The following PDF variants were observed in gnomAD, a reference collection of about 807,000 sequenced individuals.
PDF encodes the protein peptide deformylase, mitochondrial.
In PDF, 31 loss-of-function variants were observed where a neutral mutation model predicts 20.3. That is an observed-to-expected ratio of 1.52 (90% CI 1.15 to 2.06). The LOEUF is 2.06. PDF is among the 30% of genes most tolerant of loss of function. The pLI, the probability that PDF is intolerant of heterozygous loss-of-function variation, is 0.00. For synonymous variants in PDF, 254 were observed against 172.0 expected (o/e 1.48, Z -3.73); for missense variants, 447 against 362.5 (o/e 1.23, Z -1.89).
rs779921446 is a variant in PDF at position 69,330,032 on chromosome 16, G to A, written c.539C>T (p.Ala180Val). 1.3e-6 allele frequency: 2 copies of A among 1,545,224 alleles called. No homozygotes were observed. The highest frequency in any genetic ancestry group is 8.7e-7 in the Non-Finnish European group (1 of 1,145,650). The stretch of plus-strand genomic sequence containing the variant: ...CACCGCCTGGAAGCGGGGCACGCAG[G>A]CCAGGAAGCCGGCGACGCTCTCGCA... ...EGCESVAGFL[A>V]CVPRFQAVQI... The change falls in exon 1 of 2, where the codon GCC becomes GTC. Residue 180 changes from alanine (A) to valine (V), a missense_variant. By Grantham distance (64) the Ala-to-Val change is moderately conservative. Coordinates refer to ENST00000288022, the MANE Select transcript of PDF (RefSeq NM_022341.2).
In PDF at chr16:69,326,925, T is replaced by G. The variant is rs1039512153; in HGVS notation, c.*2097A>C. 6.6e-6 allele frequency: 1 copy of G among 152,166 alleles called. No homozygotes were observed. Among genetic ancestry groups the G allele is most frequent in the African/African-American group, 2.4e-5 (1 of 41,432 alleles). 9.4% of individuals were successfully genotyped at this position (152,166 alleles called of 1,614,324 possible). On this transcript the variant is annotated 3_prime_UTR_variant, in exon 2 of 2. Transcript: ENST00000288022. ...ATTTTACTGGAAATGCAATAAAGTT[T>G]GCATTTTATTGCTACCGATGCCCAC...
rs1416189450 is a variant in PDF, at chr16:69,329,873, CGCATCCCACTTCGCTCCT to C, written c.574+106_574+123del. 4.9e-6 allele frequency: 6 copies of C among 1,236,550 alleles called. No homozygotes were observed. In the African/African-American group the frequency reaches 9.6e-5, roughly 20 times the overall value. The allele number at this position is 1,236,550 out of a possible 1,614,324, so 76.6% of individuals were successfully genotyped here. A position where few individuals can be genotyped will look rare whatever the true frequency, so the allele number is the denominator to read the frequency against. ...ATCCGTCCTGAGGCCTCTCCGCTCC[CGCATCCCACTTCGCTCCT>C]GCGGGAGGTCCGGCGTATGAACCGC... On this transcript the variant is annotated intron_variant, in intron 1 of 1. Transcript: ENST00000288022.
rs1307838955 is a variant in PDF, at chr16:69,330,222, C to T, written c.349G>A (p.Gly117Arg). 3 of 1,452,570 alleles carry T rather than the reference C, an allele frequency of 2.1e-6. No individual in the cohort carries two copies. Among genetic ancestry groups the T allele is most frequent in the African/African-American group, 1.5e-5 (1 of 66,974 alleles). The allele number at this position is 1,452,570 out of a possible 1,614,324, so 90.0% of individuals were successfully genotyped here. A position where few individuals can be genotyped will look rare whatever the true frequency, so the allele number is the denominator to read the frequency against. ...RCVGLSAPQLGVPRQVLALEL... is the reference protein window; with the variant it reads ...RCVGLSAPQLRVPRQVLALEL... Reference sequence around the variant, plus strand: ...AGCGCCAGCACCTGCCGCGGCACCCCCAGCTGCGGCGCGCTTAGGCCCACG... The same window carrying T: ...AGCGCCAGCACCTGCCGCGGCACCCTCAGCTGCGGCGCGCTTAGGCCCACG... Residue 117 changes from glycine (G) to arginine (R), a missense_variant, in exon 1 of 2, where the codon GGG (glycine) becomes AGG (arginine). By Grantham distance (125) the Gly-to-Arg change is moderately radical (BLOSUM62 -2). Transcript: ENST00000288022.
At chr16:69,329,327 G>A in intron 1 of PDF, 148 bp from the exon 2 acceptor site, 1 of 832,510 alleles carries the variant, frequency 1.2e-6, no homozygotes, top group Non-Finnish European at 1.7e-6. Context: ...TCTTCTAACT[G>A]GAAAACGTCC....
At position 69,330,268 on chromosome 16, in the gene PDF, C is replaced by T; in HGVS notation, c.303G>A (p.Gln101=). Residue 101 remains glutamine (Q), a synonymous_variant, in exon 1 of 2, where the codon CAG becomes CAA. Coordinates refer to ENST00000288022, the MANE Select transcript of PDF (RefSeq NM_022341.2). ...ELQRLTQRLV[Q]VMRRRRCVGL... ...CCACGCAGCGCCGCCGCCGCATCACCTGGACCAGCCGTTGCGTCAGCCGCT... is the reference window on the plus strand; with the variant it reads ...CCACGCAGCGCCGCCGCCGCATCACTTGGACCAGCCGTTGCGTCAGCCGCT... 1 of 1,436,874 alleles carries T rather than the reference C, an allele frequency of 7.0e-7. No homozygotes were observed. Among genetic ancestry groups the T allele is most frequent in the Non-Finnish European group, 9.1e-7 (1 of 1,104,366 alleles). 89.0% of individuals were successfully genotyped at this position (1,436,874 alleles called of 1,614,324 possible).
chr16:69,329,751 G>A (rs752705649), intron 1 of PDF, among the ~76,000 whole-genome samples: 4 of 152,228 alleles, frequency 2.6e-5, no homozygotes, highest in Non-Finnish European at 4.4e-5. Flanking sequence ...CAAGGGAGCA[G>A]AAAGCAGACG....
At position 69,328,923 on chromosome 16, in the gene PDF, T is replaced by A. The variant is rs994301728; in HGVS notation, c.*99A>T. 3.4e-6 allele frequency: 5 copies of A among 1,473,466 alleles called. No homozygotes were observed. In the African/African-American group the frequency reaches 5.7e-5, roughly 17 times the overall value. 91.3% of individuals were successfully genotyped at this position (1,473,466 alleles called of 1,614,324 possible). ...CTTGGCAATCCAGTTTCCTGTCATA[T>A]GCGAGCCATCCAAGTTGATGCCAAG... On this transcript the variant is annotated 3_prime_UTR_variant, in exon 2 of 2. Coordinates refer to ENST00000288022, the MANE Select transcript of PDF (RefSeq NM_022341.2).
In PDF at chr16:69,330,131, G is replaced by A. The variant is rs746290243; in HGVS notation, c.440C>T (p.Pro147Leu). The change falls in exon 1 of 2, where the codon CCC becomes CTC. Residue 147 changes from proline to leucine, a missense_variant. By Grantham distance (98) the Pro-to-Leu change is moderately conservative. Transcript: ENST00000288022. ...GTTCACGAACACGCGCAGGGGGAAG[G>A]GCTCCATTTGGCGGAGCGCGCGCTG... ...PRQRALRQMEPFPLRVFVNPS... is the reference protein window; with the variant it reads ...PRQRALRQMELFPLRVFVNPS... The A allele has an allele frequency of 1.3e-6, 2 of 1,572,030 alleles. No homozygotes were observed. Among genetic ancestry groups the A allele is most frequent in the Non-Finnish European group, 1.7e-6 (2 of 1,162,302 alleles).
At position 69,330,313 on chromosome 16, in the gene PDF, C is replaced by T. The variant is rs766915338; in HGVS notation, c.258G>A (p.Gln86=). ...RGVAAPVERA[Q]LGGPELQRLT... is the part of the protein sequence containing the mutation. ...GCCGCTGCAGCTCGGGCCCGCCTAGCTGCGCCCGCTCCACCGGGGCCGCCA... is the reference window on the plus strand; with the variant it reads ...GCCGCTGCAGCTCGGGCCCGCCTAGTTGCGCCCGCTCCACCGGGGCCGCCA... The change falls in exon 1 of 2, where the codon CAG becomes CAA. Residue 86 remains glutamine, a synonymous_variant. Transcript: ENST00000288022. 8 of 1,440,162 alleles carry T rather than the reference C, an allele frequency of 5.6e-6. No homozygotes were observed. Among genetic ancestry groups the T allele is most frequent in the Admixed American group, 2.8e-5 (1 of 35,118 alleles). 89.2% of individuals were successfully genotyped at this position (1,440,162 alleles called of 1,614,324 possible). A position where few individuals can be genotyped will look rare whatever the true frequency, so the allele number is the denominator to read the frequency against.
At position 69,330,187 on chromosome 16, in the gene PDF, G is replaced by C. The variant is rs774422483; in HGVS notation, c.384C>G (p.Pro128=). The C allele has an allele frequency of 1.3e-6, 2 of 1,486,618 alleles. No homozygotes were observed. Among genetic ancestry groups the C allele is most frequent in the Non-Finnish European group, 1.8e-6 (2 of 1,125,054 alleles). 92.1% of individuals were successfully genotyped at this position (1,486,618 alleles called of 1,614,324 possible). ...GCGGGCACTCCCGACACAGCGCCTC[G>C]GGGAGCTCCAGCGCCAGCACCTGCC... ...VPRQVLALEL[P]EALCRECPPR... is the part of the protein sequence containing the mutation. Residue 128 remains proline (P), a synonymous_variant, in exon 1 of 2, where the codon CCC becomes CCG. Transcript: ENST00000288022.
chr16:69,327,308 C>T lies in PDF; in HGVS notation c.*1714G>A, dbSNP rs1414536517. On this transcript the variant is annotated 3_prime_UTR_variant, in exon 2 of 2. Coordinates refer to ENST00000288022, the MANE Select transcript of PDF (RefSeq NM_022341.2). ...TCAGCCTCCCAAGTAGCTGTGATTA[C>T]AGGCGCCTACCAGCACACCCAGCTA... The T allele has an allele frequency of 1.3e-5, 2 of 151,982 alleles. No individual in the cohort carries two copies. Among genetic ancestry groups the T allele is most frequent in the African/African-American group, 4.8e-5 (2 of 41,356 alleles). The allele number at this position is 151,982 out of a possible 1,614,324, so 9.4% of individuals were successfully genotyped here.
rs571186933 is a variant in PDF, at chr16:69,330,385, C to T, written c.186G>A (p.Pro62=). Residue 62 remains proline (P), a synonymous_variant, in exon 1 of 2, where the codon CCG becomes CCA. Transcript: ENST00000288022. ...LRRLVLGPPE[P]PFSHVCQVGD... ...CGACTTGGCACACGTGCGAGAACGG[C>T]GGTTCGGGAGGACCCAGCACCAGAC... 3.4e-6 allele frequency: 5 copies of T among 1,479,308 alleles called. No homozygotes were observed. The highest frequency in any genetic ancestry group is 2.3e-4 in the Middle Eastern group (1 of 4,344). The allele number at this position is 1,479,308 out of a possible 1,614,324, so 91.6% of individuals were successfully genotyped here.
chr16:69,327,262 G>C lies in PDF; in HGVS notation c.*1760C>G, dbSNP rs1206556021. 6.8e-6 allele frequency: 1 copy of C among 146,774 alleles called. No homozygotes were observed. Among genetic ancestry groups the C allele is most frequent in the Non-Finnish European group, 1.5e-5 (1 of 67,226 alleles). 9.1% of individuals were successfully genotyped at this position (146,774 alleles called of 1,614,324 possible). On this transcript the variant is annotated 3_prime_UTR_variant, in exon 2 of 2. Transcript: ENST00000288022. ...AGCCCACTGCAACCTCTGCCTCCCAGGTTTGAGCGATTCTCCCGCCTCAGC... is the reference window on the plus strand; with the variant it reads ...AGCCCACTGCAACCTCTGCCTCCCACGTTTGAGCGATTCTCCCGCCTCAGC...
chr16:69,330,019 G>A lies in PDF; in HGVS notation c.552C>T (p.Arg184=). 1 of 1,541,176 alleles carries A rather than the reference G, an allele frequency of 6.5e-7. No individual in the cohort carries two copies. Among genetic ancestry groups the A allele is most frequent in the South Asian group, 1.2e-5 (1 of 83,838 alleles). Residue 184 remains arginine, a synonymous_variant, in exon 1 of 2, where the codon CGC becomes CGT. Coordinates refer to ENST00000288022, the MANE Select transcript of PDF (RefSeq NM_022341.2). ...CACCTGAGATCTGCACCGCCTGGAA[G>A]CGGGGCACGCAGGCCAGGAAGCCGG... ...SVAGFLACVP[R]FQAVQISGLD...
rs1304845992 is a variant in PDF, at chr16:69,326,940, C to G, written c.*2082G>C. On this transcript the variant is annotated 3_prime_UTR_variant, in exon 2 of 2. Transcript: ENST00000288022. ...CAATAAAGTTTGCATTTTATTGCTACCGATGCCCACCACAAAAGCGTTAAC... is the reference window on the plus strand; with the variant it reads ...CAATAAAGTTTGCATTTTATTGCTAGCGATGCCCACCACAAAAGCGTTAAC... 3 of 152,112 alleles carry G rather than the reference C, an allele frequency of 2.0e-5. No individual in the cohort carries two copies. Among genetic ancestry groups the G allele is most frequent in the African/African-American group, 7.2e-5 (3 of 41,392 alleles). The allele number at this position is 152,112 out of a possible 1,614,324, so 9.4% of individuals were successfully genotyped here. A position where few individuals can be genotyped will look rare whatever the true frequency, so the allele number is the denominator to read the frequency against.
At position 69,330,503 on chromosome 16, in the gene PDF, G is replaced by A. The variant is rs1236993803; in HGVS notation, c.68C>T (p.Ala23Val). 6 of 1,472,198 alleles carry A rather than the reference G, an allele frequency of 4.1e-6. No individual in the cohort carries two copies. The highest frequency in any genetic ancestry group is 1.5e-5 in the African/African-American group (1 of 67,868). 91.2% of individuals were successfully genotyped at this position (1,472,198 alleles called of 1,614,324 possible). ...GCTGCAAGCCCGGACACCGACGGCTGCCGCCCCGCCCCACGGCACGGCCGC... is the reference window on the plus strand; with the variant it reads ...GCTGCAAGCCCGGACACCGACGGCTACCGCCCCGCCCCACGGCACGGCCGC... ...LWAAVPWGGAAAVGVRACSST... is the reference protein window; with the variant it reads ...LWAAVPWGGAVAVGVRACSST... Residue 23 changes from alanine (A) to valine (V), a missense_variant, in exon 1 of 2, where the codon GCA becomes GTA. By Grantham distance (64) the Ala-to-Val change is moderately conservative. Transcript: ENST00000288022.
In PDF at chr16:69,330,405, C is replaced by T. The variant is rs2011706959; in HGVS notation, c.166G>A (p.Val56Met). Reference sequence around the variant, plus strand: ...AACGGCGGTTCGGGAGGACCCAGCACCAGACGCCTCAGGTGGCGCCAATAG... The same window carrying T: ...AACGGCGGTTCGGGAGGACCCAGCATCAGACGCCTCAGGTGGCGCCAATAG... ...RSYWRHLRRL[V>M]LGPPEPPFSH... The change falls in exon 1 of 2, where the codon GTG becomes ATG. Residue 56 changes from valine to methionine, a missense_variant. Transcript: ENST00000288022. The T allele has an allele frequency of 1.4e-6, 2 of 1,479,172 alleles. No individual in the cohort carries two copies. The highest frequency in any genetic ancestry group is 1.8e-6 in the Non-Finnish European group (2 of 1,122,996). The allele number at this position is 1,479,172 out of a possible 1,614,324, so 91.6% of individuals were successfully genotyped here. A position where few individuals can be genotyped will look rare whatever the true frequency, so the allele number is the denominator to read the frequency against.
Position 69,328,854 on chromosome 16 carries a change from G to T in PDF, c.*168C>A. The stretch of plus-strand genomic sequence containing the variant: ...AACATTTTGTCCGTAACTGATTTCA[G>T]GGCAAACATTTCTGACATCTTCCTC... On this transcript the variant is annotated 3_prime_UTR_variant, in exon 2 of 2. Coordinates refer to ENST00000288022, the MANE Select transcript of PDF (RefSeq NM_022341.2). 1 of 902,014 alleles carries T rather than the reference G, an allele frequency of 1.1e-6. No individual in the cohort carries two copies. The highest frequency in any genetic ancestry group is 2.7e-5 in the East Asian group (1 of 36,544). 55.9% of individuals were successfully genotyped at this position (902,014 alleles called of 1,614,324 possible).
chr16:69,330,307 G>T lies in PDF; in HGVS notation c.264C>A (p.Gly88=), dbSNP rs1432442459. 31 of 1,436,172 alleles carry T rather than the reference G, an allele frequency of 2.2e-5. No homozygotes were observed. Among genetic ancestry groups the T allele is most frequent in the Non-Finnish European group, 2.7e-5 (30 of 1,103,224 alleles). The allele number at this position is 1,436,172 out of a possible 1,614,324, so 89.0% of individuals were successfully genotyped here. ...VAAPVERAQL[G]GPELQRLTQR... is the part of the protein sequence containing the mutation. Reference sequence around the variant, plus strand: ...GCGTCAGCCGCTGCAGCTCGGGCCCGCCTAGCTGCGCCCGCTCCACCGGGG... The same window carrying T: ...GCGTCAGCCGCTGCAGCTCGGGCCCTCCTAGCTGCGCCCGCTCCACCGGGG... Residue 88 remains glycine (G), a synonymous_variant, in exon 1 of 2, where the codon GGC becomes GGA. Coordinates refer to ENST00000288022, the MANE Select transcript of PDF (RefSeq NM_022341.2).
Sources: allele counts gnomAD v4.1 joint callset (sites outside exome capture counted in the v4.1 genomes callset), GRCh38; gene constraint gnomAD v4.1.1; transcripts MANE v1.5; gene names NCBI Gene and HGNC (gene_info 2026-07-23, HGNC 2026-07-21).